The following ACTR3B variants were observed in gnomAD, a reference collection of about 807,000 sequenced individuals.
ACTR3B encodes actin related protein 3B, also known as actin-related protein 3B.
A neutral mutation model predicts 59.0 loss-of-function variants in ACTR3B; 8 were observed. The observed-to-expected ratio is 0.14, with a 90% CI of 0.08 to 0.24. The LOEUF is 0.24. Ranked by LOEUF, ACTR3B falls within the 10% of genes least tolerant of loss-of-function variation. ACTR3B has a pLI of 1.00. For synonymous variants in ACTR3B, 148 were observed against 197.9 expected, an observed-to-expected ratio of 0.75 and a Z score of 2.12; for missense variants, 245 against 552.3, an observed-to-expected ratio of 0.44 and a Z score of 5.58.
rs1483520388 is a variant in ACTR3B at position 152,804,651 on chromosome 7, G to A, written c.336+2920G>A. ...TTCTTAAAATTATGTAAGGAGATATGTATAGTCAAAACCACCCATGAAAAT... is the reference window on the plus strand; with the variant it reads ...TTCTTAAAATTATGTAAGGAGATATATATAGTCAAAACCACCCATGAAAAT... On this transcript the variant is annotated intron_variant, in intron 4 of 11. Coordinates refer to ENST00000256001, the MANE Select transcript of ACTR3B (RefSeq NM_020445.6). Among the ~76,000 whole-genome samples, 4 of 152,174 alleles carry A rather than the reference G, an allele frequency of 2.6e-5. No homozygotes were observed. In the East Asian group the frequency reaches 5.8e-4, roughly 22 times the overall value.
chr7:152,797,741 A>G (rs1299768668), intron 2 of ACTR3B, among the ~76,000 whole-genome samples: 3 of 152,074 alleles, frequency 2.0e-5, no homozygotes, highest in African/African-American at 7.2e-5. Context: ...CCTCTATGAG[A>G]TCAACTTTTT....
intron 1 of ACTR3B, among the ~76,000 whole-genome samples, chr7:152,782,714 A>C (rs1238311772): frequency 6.6e-6 from 1 of 151,706 alleles, no homozygotes; most frequent in Non-Finnish European, 1.5e-5. Flanking sequence ...CTAGGAAGTA[A>C]GTACACTTCT....
intron 9 of ACTR3B, among the ~76,000 whole-genome samples, chr7:152,840,329 CAA>C (rs1441996108): frequency 2.6e-5 from 4 of 151,314 alleles, no homozygotes; most frequent in Non-Finnish European, 4.4e-5. Context: ...GAGGGCCAAA[CAA>C]GAGAACCCAC....
intron 9 of ACTR3B, among the ~76,000 whole-genome samples, chr7:152,836,330 T>C (rs1028960301): frequency 1.3e-5 from 2 of 151,850 alleles, no homozygotes; most frequent in African/African-American, 4.8e-5. Context: ...GTGCAGGGGC[T>C]CACGCCTCTG....
intron 7 of ACTR3B, among the ~76,000 whole-genome samples, chr7:152,821,568 A>G (rs75069706): frequency 0.08 from 10,196 of 126,786 alleles, no homozygotes; most frequent in African/African-American, 0.17. Flanking sequence ...TTGCTGAGCA[A>G]CACTGCCACG....
intron 2 of ACTR3B, among the ~76,000 whole-genome samples, chr7:152,788,526 C>T (rs1443118685): frequency 6.6e-6 from 1 of 151,402 alleles, no homozygotes; most frequent in Non-Finnish European, 1.5e-5. Context: ...ATTCTCCTGC[C>T]CTCAGCCTCC....
intron 9 of ACTR3B, among the ~76,000 whole-genome samples, chr7:152,850,991 T>A (rs1339114493): frequency 6.6e-6 from 1 of 152,204 alleles, no homozygotes; most frequent in East Asian, 1.9e-4. Flanking sequence ...ACATAAGGTG[T>A]TTTCTCTAAG....
chr7:152,832,691 C>A (rs397843458), intron 9 of ACTR3B, among the ~76,000 whole-genome samples: 1 of 152,190 alleles, frequency 6.6e-6, no homozygotes, highest in African/African-American at 2.4e-5. Context: ...TATCTATAAA[C>A]TGTAAGGAAT....
chr7:152,813,189 C>G (rs1328819289), intron 4 of ACTR3B: 1 of 112,992 alleles, frequency 8.9e-6, no homozygotes, highest in Non-Finnish European at 1.8e-5. Flanking sequence ...TTATAGTACA[C>G]TGGGAGTTAG....
chr7:152,824,974 G>A lies in ACTR3B; in HGVS notation c.859-56G>A. 1.9e-6 allele frequency: 3 copies of A among 1,559,944 alleles called. No homozygotes were observed. The highest frequency in any genetic ancestry group is 1.8e-6 in the Non-Finnish European group (2 of 1,140,856). On this transcript the variant is annotated intron_variant, in intron 8 of 11. Transcript: ENST00000256001. This position sits in a 1 kb window ranked among gnomAD's most constrained non-coding sequence, Gnocchi z 4.2. ...AAAGTTACTTTAAAGAAGTGTGCAT[G>A]TTGTTCTATTTGAGAGAAATGTGTA...
At chr7:152,822,295 G>C (rs2689596) in intron 7 of ACTR3B, among the ~76,000 whole-genome samples, 2 of 150,710 alleles carry the variant, frequency 1.3e-5, no homozygotes. Flanking sequence ...TTCCTTCCAC[G>C]GTGTGCTCAG....
At chr7:152,821,920 G>T (rs191430948) in intron 7 of ACTR3B, among the ~76,000 whole-genome samples, 50 of 152,340 alleles carry the variant, frequency 3.3e-4, no homozygotes, top group African/African-American at 1.2e-3. Context: ...CACCCTTGCA[G>T]CATGAATCCT....
At chr7:152,789,634 T>C (rs1351435383) in intron 2 of ACTR3B, among the ~76,000 whole-genome samples, 1 of 151,600 alleles carries the variant, frequency 6.6e-6, no homozygotes, top group Non-Finnish European at 1.5e-5. Flanking sequence ...TGCAGACTAT[T>C]GTATTGCCTT....
Position 152,853,678 on chromosome 7 carries a change from G to A in ACTR3B, c.1161+101G>A, listed in dbSNP as rs897182759. The A allele has an allele frequency of 5.8e-5, 61 of 1,054,030 alleles. No individual in the cohort carries two copies. The Middle Eastern group carries it at 1.0e-3, about 17-fold the overall frequency. The allele number at this position is 1,054,030 out of a possible 1,614,324, so 65.3% of individuals were successfully genotyped here. A position where few individuals can be genotyped will look rare whatever the true frequency, so the allele number is the denominator to read the frequency against. ...AGGTGAAATAGTGTGTGCCCTAATC[G>A]TGTGGCTCTAAACAGACCATTCTGT... On this transcript the variant is annotated intron_variant, in intron 11 of 11. Coordinates refer to ENST00000256001, the MANE Select transcript of ACTR3B (RefSeq NM_020445.6).
At chr7:152,793,885 A>C (rs1206331808) in intron 2 of ACTR3B, among the ~76,000 whole-genome samples, 1 of 151,584 alleles carries the variant, frequency 6.6e-6, no homozygotes, top group Non-Finnish European at 1.5e-5. Context: ...TGGGGGTCAA[A>C]GTTGAGGTTC....
intron 2 of ACTR3B, among the ~76,000 whole-genome samples, chr7:152,793,066 A>T (rs1014864425): frequency 8.4e-6 from 1 of 118,570 alleles, no homozygotes; most frequent in African/African-American, 3.2e-5. Flanking sequence ...TAGAAGTTTG[A>T]GTATAATGTG....
chr7:152,853,553 C>T lies in ACTR3B; in HGVS notation c.1137C>T (p.Phe379=), dbSNP rs377015385. 78 of 1,613,852 alleles carry T rather than the reference C, an allele frequency of 4.8e-5. No homozygotes were observed. The highest frequency in any genetic ancestry group is 1.7e-4 in the Middle Eastern group (1 of 6,058). ...ACATGCAGCGCTACGCCGTGTGGTT[C>T]GGAGGCTCCATGCTGGCCTCGACTG... ...THHMQRYAVW[F]GGSMLASTPE... Residue 379 remains phenylalanine (F), a synonymous_variant, in exon 11 of 12, where the codon TTC becomes TTT. Transcript: ENST00000256001.
At chr7:152,838,327 C>T (rs1797622913) in intron 9 of ACTR3B, among the ~76,000 whole-genome samples, 1 of 151,888 alleles carries the variant, frequency 6.6e-6, no homozygotes, top group East Asian at 1.9e-4. Context: ...AAATGTGGCA[C>T]ATATACACCA....
intron 4 of ACTR3B, among the ~76,000 whole-genome samples, chr7:152,806,893 G>A (rs1355420704): frequency 3.3e-5 from 5 of 152,358 alleles, no homozygotes; most frequent in Admixed American, 1.3e-4. Context: ...CACAATGCCT[G>A]TCATAGTGGT....
Sources: allele counts gnomAD v4.1 joint callset (sites outside exome capture counted in the v4.1 genomes callset), GRCh38; gene constraint gnomAD v4.1.1; non-coding constraint Gnocchi (gnomAD v3.1); transcripts MANE v1.5; gene names NCBI Gene and HGNC (gene_info 2026-07-23, HGNC 2026-07-21).